Variants in RBFOX3 observed in about 807,000 individuals in gnomAD.
The protein encoded by RBFOX3 is RNA binding fox-1 homolog 3, also known as RNA binding protein fox-1 homolog 3.
A neutral mutation model predicts 48.7 loss-of-function variants in RBFOX3; 17 were observed. That is an observed-to-expected ratio of 0.35 (90% CI 0.24 to 0.52). The LOEUF (loss-of-function observed/expected upper bound fraction) is 0.52. RBFOX3 is among the 20% of genes least tolerant of loss of function. RBFOX3 has a pLI of 0.94. For synonymous variants in RBFOX3, 212 were observed against 209.5 expected, an observed-to-expected ratio of 1.01 and a Z score of -0.10; for missense variants, 382 against 497.5, an observed-to-expected ratio of 0.77 and a Z score of 2.21.
intron 4 of RBFOX3, among the ~76,000 whole-genome samples, chr17:79,182,568 T>G (rs1377393777): frequency 6.7e-6 from 1 of 148,300 alleles, no homozygotes; most frequent in African/African-American, 2.5e-5. Context: ...GGCAGGCGGC[T>G]GCTGATGCTC....
the RBFOX3 span, among the ~76,000 whole-genome samples, chr17:79,647,723 G>C: frequency 6.6e-6 from 1 of 152,116 alleles, no homozygotes; most frequent in Non-Finnish European, 1.5e-5. Flanking sequence ...GCATGACCAG[G>C]GCCTTGTGGC....
intron 1 of RBFOX3, among the ~76,000 whole-genome samples, chr17:79,558,603 G>A (rs1320230390): frequency 2.6e-5 from 4 of 152,136 alleles, no homozygotes; most frequent in African/African-American, 9.7e-5. Flanking sequence ...TCCCGGCCGG[G>A]CTCCATGCAC....
chr17:79,147,377 A>G (rs776214513), intron 4 of RBFOX3, among the ~76,000 whole-genome samples: 2 of 152,232 alleles, frequency 1.3e-5, no homozygotes, highest in Non-Finnish European at 2.9e-5. Context: ...ACTAGGGAAC[A>G]TCAGAGTTGG....
At chr17:79,642,846 G>A in the RBFOX3 span, among the ~76,000 whole-genome samples, 1 of 152,204 alleles carries the variant, frequency 6.6e-6, no homozygotes, top group Non-Finnish European at 1.5e-5. Context: ...AAATCTTTCA[G>A]TTAAAAGGTG....
At position 79,214,330 on chromosome 17, in the gene RBFOX3, T is replaced by C. The variant is rs1252225103; in HGVS notation, c.-34+21436A>G. Among the ~76,000 whole-genome samples, 2 of 152,216 alleles carry C rather than the reference T, an allele frequency of 1.3e-5. No homozygotes were observed. The highest frequency in any genetic ancestry group is 2.9e-5 in the Non-Finnish European group (2 of 68,046). On this transcript the variant is annotated intron_variant, in intron 4 of 14. Transcript: ENST00000693108. The surrounding 1 kb of genome is among the most constrained non-coding windows in gnomAD (Gnocchi z 4.7). The stretch of plus-strand genomic sequence containing the variant: ...TTTTAATAAAAATCAGACATGGTCA[T>C]GGAGGTGCCTCATGGAGGAAAGCCC...
At chr17:79,128,071 G>T (rs1395566906) in intron 4 of RBFOX3, among the ~76,000 whole-genome samples, 1 of 152,260 alleles carries the variant, frequency 6.6e-6, no homozygotes, top group Non-Finnish European at 1.5e-5. Flanking sequence ...GGGCACAGCA[G>T]CGGGTAGAGT....
intron 1 of RBFOX3, among the ~76,000 whole-genome samples, chr17:79,519,028 G>A (rs2085668422): frequency 2.0e-5 from 3 of 152,196 alleles, no homozygotes; most frequent in African/African-American, 7.2e-5. Context: ...TACCCGGGAA[G>A]CACCAAGAGA....
intron 9 of RBFOX3, chr17:79,098,100 CCT>C (rs1385320101): frequency 4.4e-5 from 12 of 270,288 alleles, no homozygotes; most frequent in Admixed American, 2.2e-4. Flanking sequence ...TATCTACCCC[CCT>C]GAGCACAGCT....
At chr17:79,239,756 T>C (rs1487783842) in intron 3 of RBFOX3, among the ~76,000 whole-genome samples, 1 of 152,234 alleles carries the variant, frequency 6.6e-6, no homozygotes, top group African/African-American at 2.4e-5. Context: ...GGGGCCACCA[T>C]GGACCAGAGG....
rs1029475288 is a variant in RBFOX3 at position 79,364,707 on chromosome 17, C to T, written c.-174-56883G>A. ...AAGCACGCTCTCCACTGATGGGGGA[C>T]ACCATATGGGGCTGGGGACCTAGAG... On this transcript the variant is annotated intron_variant, in intron 2 of 14. Transcript: ENST00000693108. The surrounding 1 kb of genome is among the most constrained non-coding windows in gnomAD (Gnocchi z 5.1). Among the ~76,000 whole-genome samples the T allele has an allele frequency of 1.3e-5, 2 of 152,106 alleles. No homozygotes were observed. The highest frequency in any genetic ancestry group is 2.9e-5 in the Non-Finnish European group (2 of 68,018).
intron 2 of RBFOX3, among the ~76,000 whole-genome samples, chr17:79,360,800 G>C (rs1245005453): frequency 6.7e-6 from 1 of 149,552 alleles, no homozygotes; most frequent in Non-Finnish European, 1.5e-5. Context: ...AATTTTAATT[G>C]AGAAAAATTG....
chr17:79,342,485 C>T (rs1201562067), intron 2 of RBFOX3, among the ~76,000 whole-genome samples: 1 of 152,194 alleles, frequency 6.6e-6, no homozygotes, highest in Non-Finnish European at 1.5e-5. Flanking sequence ...GTGAGCACCT[C>T]GGGCCTCCAG....
chr17:79,505,616 A>C (rs1486665681), intron 1 of RBFOX3, among the ~76,000 whole-genome samples: 1 of 152,158 alleles, frequency 6.6e-6, no homozygotes, highest in Non-Finnish European at 1.5e-5. Context: ...TCAGAGCACC[A>C]AGGAGGTACC....
chr17:79,131,846 C>T (rs898695925), intron 4 of RBFOX3, among the ~76,000 whole-genome samples: 3 of 152,162 alleles, frequency 2.0e-5, no homozygotes, highest in Admixed American at 2.0e-4. Flanking sequence ...CCAACCCCAG[C>T]CCCAGACCAG....
rs112606209 is a variant in RBFOX3 at position 79,149,565 on chromosome 17, T to TG, written c.-33-33818dup. Among the ~76,000 whole-genome samples, 1,115 of 151,758 alleles carry TG rather than the reference T, an allele frequency of 7.3e-3. 17 individuals are homozygous for TG. Among genetic ancestry groups the TG allele is most frequent in the African/African-American group, 0.024 (1,004 of 41,362 alleles). Reference sequence around the variant, plus strand: ...TGGGTGGGGCAGTGGGAAGTGTGCCTGGGGGGGTCCGTGGACGATTCCTCC... The same window carrying TG: ...TGGGTGGGGCAGTGGGAAGTGTGCCTGGGGGGGGTCCGTGGACGATTCCTCC... On this transcript the variant is annotated intron_variant, in intron 4 of 14. Coordinates refer to ENST00000693108, the MANE Select transcript of RBFOX3 (RefSeq NM_001350451.2).
At chr17:79,194,614 GA>G (rs71161651) in intron 4 of RBFOX3, among the ~76,000 whole-genome samples, 90,869 of 149,588 alleles carry the variant, frequency 0.61, 28,172 homozygotes, top group Middle Eastern at 0.73. Flanking sequence ...TGTCTCAAAA[GA>G]AAAAAAAAAA....
chr17:79,387,954 A>G (rs2060797401), intron 2 of RBFOX3, among the ~76,000 whole-genome samples: 1 of 152,010 alleles, frequency 6.6e-6, no homozygotes, highest in Non-Finnish European at 1.5e-5. Context: ...GTGTGCATGT[A>G]CATGCATGTG....
chr17:79,092,326 C>A (rs1251655737), intron 14 of RBFOX3: 1 of 985,386 alleles, frequency 1.0e-6, no homozygotes, highest in African/African-American at 1.7e-5. Context: ...TTGGGTAGTA[C>A]AACATCAACA....
rs1227481512 is a variant in RBFOX3, at chr17:79,535,841, G to T, written c.-319-53243C>A. Among the ~76,000 whole-genome samples, 1 of 152,128 alleles carries T rather than the reference G, an allele frequency of 6.6e-6. No individual in the cohort carries two copies. Among genetic ancestry groups the T allele is most frequent in the Admixed American group, 6.5e-5 (1 of 15,278 alleles). On this transcript the variant is annotated intron_variant, in intron 1 of 14. Transcript: ENST00000693108. The surrounding 1 kb of genome is among the most constrained non-coding windows in gnomAD (Gnocchi z 4.5). ...GAGTCCACACGGAGAGGGGCCGTGG[G>T]TTGATCTCTGCTCCCCCTCAGTCAC...
Sources: allele counts gnomAD v4.1 joint callset (sites outside exome capture counted in the v4.1 genomes callset), GRCh38; gene constraint gnomAD v4.1.1; non-coding constraint Gnocchi (gnomAD v3.1); transcripts MANE v1.5; gene names NCBI Gene and HGNC (gene_info 2026-07-23, HGNC 2026-07-21).